The following GALNT10 variants were observed in gnomAD, a reference collection of about 807,000 sequenced individuals.
GALNT10 encodes GalNAc transferase 10.
In GALNT10, 41 loss-of-function variants were observed where a neutral mutation model predicts 75.0. That is an observed-to-expected ratio of 0.55 (90% CI 0.43 to 0.71). The LOEUF (loss-of-function observed/expected upper bound fraction) is 0.71, where lower values mean the gene tolerates loss of function less well. Among genes scored for constraint, GALNT10 ranks in the 30% least tolerant of loss-of-function variants. GALNT10 has a pLI of 0.00. For synonymous variants in GALNT10, 302 were observed against 313.0 expected (o/e 0.96, Z 0.37); for missense variants, 727 against 818.5 (o/e 0.89, Z 1.36).
intron 4 of GALNT10, among the ~76,000 whole-genome samples, chr5:154,353,205 G>T (rs1445352174): frequency 6.6e-6 from 1 of 152,182 alleles, no homozygotes; most frequent in East Asian, 1.9e-4. Context: ...GGGCAGTGGA[G>T]TTCAAGGTGA....
chr5:154,413,119 G>A, intron 10 of GALNT10, 114 bp downstream of exon 10: 1 of 683,480 alleles, frequency 1.5e-6, no homozygotes, highest in Non-Finnish European at 2.6e-6. Context: ...AATGACAAGA[G>A]TCAGCCCCGG....
chr5:154,372,861 C>T (rs182290611), intron 4 of GALNT10, among the ~76,000 whole-genome samples: 138 of 152,328 alleles, frequency 9.1e-4, no homozygotes, highest in South Asian at 2.1e-3. Flanking sequence ...ATCCATCTGT[C>T]AGCTCTGATA....
chr5:154,412,698 T>G lies in GALNT10; in HGVS notation c.1387-191T>G. On this transcript the variant is annotated intron_variant, in intron 9 of 11. Transcript: ENST00000297107. This position sits in a 1 kb window ranked among gnomAD's most constrained non-coding sequence, Gnocchi z 4.2. ...TTACAGCAGTGCTTTAAGGATTACA[T>G]TCTGTGGACTGAGTCTTCCTTCATT... The G allele has an allele frequency of 1.7e-6, 1 of 583,542 alleles. No homozygotes were observed. The highest frequency in any genetic ancestry group is 3.1e-6 in the Non-Finnish European group (1 of 320,866). 36.1% of individuals were successfully genotyped at this position (583,542 alleles called of 1,614,324 possible). A position where few individuals can be genotyped will look rare whatever the true frequency, so the allele number is the denominator to read the frequency against.
chr5:154,414,766 C>T (rs1310231832), intron 10 of GALNT10, among the ~76,000 whole-genome samples: 1 of 152,094 alleles, frequency 6.6e-6, no homozygotes, highest in Non-Finnish European at 1.5e-5. Flanking sequence ...AGTAAAGCTA[C>T]TGAAAAGTAA....
At chr5:154,261,185 A>G (rs557380188) in intron 1 of GALNT10, among the ~76,000 whole-genome samples, 1 of 152,358 alleles carries the variant, frequency 6.6e-6, no homozygotes, top group East Asian at 1.9e-4. Context: ...ATTGAAATTC[A>G]TCAATCATGC....
Position 154,298,161 on chromosome 5 carries a change from A to G in GALNT10, c.401+82A>G. ...GAGAATTAATTAAGGAAGCAGGTAC[A>G]TGGAGCCCTGCTGACGGAGACACCC... On this transcript the variant is annotated intron_variant, in intron 3 of 11. Transcript: ENST00000297107. The surrounding 1 kb of genome is among the most constrained non-coding windows in gnomAD (Gnocchi z 4.1). 7.8e-7 allele frequency: 1 copy of G among 1,286,082 alleles called. No homozygotes were observed. The highest frequency in any genetic ancestry group is 1.1e-6 in the Non-Finnish European group (1 of 903,462). 79.7% of individuals were successfully genotyped at this position (1,286,082 alleles called of 1,614,324 possible). A position where few individuals can be genotyped will look rare whatever the true frequency, so the allele number is the denominator to read the frequency against.
intron 7 of GALNT10, among the ~76,000 whole-genome samples, chr5:154,394,522 C>T (rs1301593453): frequency 1.3e-5 from 2 of 152,130 alleles, no homozygotes; most frequent in South Asian, 2.1e-4. Flanking sequence ...GGCTAAATCC[C>T]AGATGCCCTG....
At chr5:154,400,147 T>A (rs909542500) in intron 7 of GALNT10, among the ~76,000 whole-genome samples, 3 of 151,726 alleles carry the variant, frequency 2.0e-5, no homozygotes, top group African/African-American at 7.3e-5. Flanking sequence ...CGAAAAGAAA[T>A]AAATATAAAA....
chr5:154,242,160 A>G (rs970798587), intron 1 of GALNT10, among the ~76,000 whole-genome samples: 1 of 152,242 alleles, frequency 6.6e-6, no homozygotes, highest in African/African-American at 2.4e-5. Context: ...TTGCATAATT[A>G]GAAAATAGTA....
chr5:154,400,814 T>C (rs190612510), intron 7 of GALNT10, among the ~76,000 whole-genome samples: 1 of 151,574 alleles, frequency 6.6e-6, no homozygotes, highest in East Asian at 2.0e-4. Context: ...GAGCAAGAAG[T>C]GAGTGGAATG....
intron 10 of GALNT10, among the ~76,000 whole-genome samples, chr5:154,414,506 T>C (rs1236687992): frequency 3.3e-5 from 5 of 152,098 alleles, no homozygotes; most frequent in Admixed American, 2.6e-4. Flanking sequence ...TATGATTCCT[T>C]TATAGAAAAT....
At chr5:154,325,250 T>A (rs1233298051) in intron 3 of GALNT10, among the ~76,000 whole-genome samples, 1 of 152,152 alleles carries the variant, frequency 6.6e-6, no homozygotes, top group Non-Finnish European at 1.5e-5. Flanking sequence ...ATATATATGC[T>A]AGAGACAAAT....
In GALNT10 at chr5:154,402,770, C is replaced by T. The variant is rs1020806326; in HGVS notation, c.1057-1334C>T. On this transcript the variant is annotated intron_variant, in intron 7 of 11. Coordinates refer to ENST00000297107, the MANE Select transcript of GALNT10 (RefSeq NM_198321.4). The surrounding 1 kb of genome is among the most constrained non-coding windows in gnomAD (Gnocchi z 4.2). The stretch of plus-strand genomic sequence containing the variant: ...GTGGGCAGGAGGCCTCAGCTCTCAC[C>T]GCATGGACCTCTCCACAGCATGGCT... 4.6e-5 allele frequency: 7 copies of T among 152,246 alleles called. No individual in the cohort carries two copies. Among genetic ancestry groups the T allele is most frequent in the East Asian group, 1.9e-4 (1 of 5,200 alleles). 9.4% of individuals were successfully genotyped at this position (152,246 alleles called of 1,614,324 possible).
In GALNT10 at chr5:154,390,276, T is replaced by C. The variant is rs879285763; in HGVS notation, c.1056+3846T>C. 8.1e-5 allele frequency among the ~76,000 whole-genome samples: 10 copies of C among 123,710 alleles called. No individual in the cohort carries two copies. The Admixed American group carries it at 8.3e-4, about 10-fold the overall frequency. The allele number at this position is 123,710 out of a possible 152,430, so 81.2% of individuals were successfully genotyped here. On this transcript the variant is annotated intron_variant, in intron 7 of 11. Coordinates refer to ENST00000297107, the MANE Select transcript of GALNT10 (RefSeq NM_198321.4). ...GATAGAACGCATGGCCCCCCATGTCTCTCGCCTGAGTCACTAATTCCATCA... is the reference window on the plus strand; with the variant it reads ...GATAGAACGCATGGCCCCCCATGTCCCTCGCCTGAGTCACTAATTCCATCA...
In GALNT10 at chr5:154,297,986, G is replaced by C. The variant is rs764129503; in HGVS notation, c.308G>C (p.Arg103Thr). Residue 103 changes from arginine (R) to threonine (T), a missense_variant, in exon 3 of 12, where the codon AGA becomes ACA. Coordinates refer to ENST00000297107, the MANE Select transcript of GALNT10 (RefSeq NM_198321.4). ...GRPYPMTDAERVDQAYRENGF... is the reference protein window; with the variant it reads ...GRPYPMTDAETVDQAYRENGF... Reference sequence around the variant, plus strand: ...CCTTACCCCATGACCGATGCTGAGAGAGTGGATCAGGCATACCGAGAAAAT... The same window carrying C: ...CCTTACCCCATGACCGATGCTGAGACAGTGGATCAGGCATACCGAGAAAAT... 1 of 1,613,602 alleles carries C rather than the reference G, an allele frequency of 6.2e-7. No individual in the cohort carries two copies. The highest frequency in any genetic ancestry group is 8.5e-7 in the Non-Finnish European group (1 of 1,179,512).
intron 7 of GALNT10, among the ~76,000 whole-genome samples, chr5:154,403,538 T>A (rs1262148317): frequency 6.6e-6 from 1 of 152,188 alleles, no homozygotes; most frequent in African/African-American, 2.4e-5. Context: ...AGCGAGAGGC[T>A]CATAGATCCA....
chr5:154,344,093 G>C (rs1370900196), intron 4 of GALNT10, among the ~76,000 whole-genome samples: 1 of 152,024 alleles, frequency 6.6e-6, no homozygotes, highest in African/African-American at 2.4e-5. Context: ...TTCATCAGTG[G>C]GATGTGCATC....
At chr5:154,254,394 C>G (rs990241176) in intron 1 of GALNT10, among the ~76,000 whole-genome samples, 2 of 152,062 alleles carry the variant, frequency 1.3e-5, no homozygotes, top group Non-Finnish European at 2.9e-5. Context: ...ATATTGAGAT[C>G]ACACTGAAGA....
chr5:154,329,960 G>GC, intron 4 of GALNT10: 1 of 41,916 alleles, frequency 2.4e-5, no homozygotes, highest in African/African-American at 7.2e-5. Context: ...TGTATTAACT[G>GC]CAAAAAAAAA....
Sources: gnomAD v4.1 joint callset for allele counts (sites outside exome capture counted in the v4.1 genomes callset) on GRCh38, gnomAD v4.1.1 for gene constraint, Gnocchi (gnomAD v3.1) non-coding constraint, MANE v1.5 for transcripts, NCBI Gene and HGNC (gene_info 2026-07-23, HGNC 2026-07-21) for gene names.